CEP70: variants seen among roughly 807,000 people sequenced by gnomAD.
CEP70 encodes the protein centrosomal protein 70, also known as centrosomal protein of 70 kDa.
A neutral mutation model predicts 90.9 loss-of-function variants in CEP70; 70 were observed. The ratio of observed to expected loss-of-function variants is 0.77; its 90% CI spans 0.64 to 0.94. The LOEUF is 0.94. CEP70 is among the 40% of genes least tolerant of loss of function. The pLI is 0.00. For missense variants in CEP70, 648 were observed against 669.0 expected, an observed-to-expected ratio of 0.97 and a Z score of 0.35; for synonymous variants, 220 against 228.3, an observed-to-expected ratio of 0.96 and a Z score of 0.33.
chr3:138,579,925 A>T lies in CEP70; in HGVS notation c.-5-6993T>A, dbSNP rs1214677092. Among the ~76,000 whole-genome samples the T allele has an allele frequency of 2.0e-5, 3 of 152,144 alleles. No individual in the cohort carries two copies. In the South Asian group the frequency reaches 6.2e-4, roughly 32 times the overall value. On this transcript the variant is annotated intron_variant, in intron 2 of 17. Transcript: ENST00000264982. ...ATTAAGAAAGCTCTTGGGGTTCCCAATTCCAGGCTTTGGCTCTTAGCTTCT... is the reference window on the plus strand; with the variant it reads ...ATTAAGAAAGCTCTTGGGGTTCCCATTTCCAGGCTTTGGCTCTTAGCTTCT...
At chr3:138,543,757 T>C (rs910620103) in intron 6 of CEP70, among the ~76,000 whole-genome samples, 2 of 152,024 alleles carry the variant, frequency 1.3e-5, no homozygotes, top group Non-Finnish European at 2.9e-5. Flanking sequence ...TGAACTGAGA[T>C]TGCACCACTG....
At chr3:138,550,815 CAAT>C (rs1183202595) in intron 6 of CEP70, among the ~76,000 whole-genome samples, 1 of 152,174 alleles carries the variant, frequency 6.6e-6, no homozygotes, top group Admixed American at 6.5e-5. Flanking sequence ...CCCAATCCAA[CAAT>C]GACAAAGAAA....
chr3:138,544,560 TAC>T (rs2039041711), intron 6 of CEP70, among the ~76,000 whole-genome samples: 1 of 151,716 alleles, frequency 6.6e-6, no homozygotes, highest in East Asian at 1.9e-4. Context: ...TGTATATATA[TAC>T]ACACATATTA....
At chr3:138,518,006 C>G (rs2036212557) in intron 11 of CEP70, among the ~76,000 whole-genome samples, 1 of 152,188 alleles carries the variant, frequency 6.6e-6, no homozygotes, top group Admixed American at 6.5e-5. Flanking sequence ...TTTCAAACAC[C>G]CTTAGCAAAC....
At position 138,495,035 on chromosome 3, in the gene CEP70, A is replaced by C; in HGVS notation, c.1774T>G (p.Leu592Val). The C allele has an allele frequency of 6.5e-7, 1 of 1,535,698 alleles. No individual in the cohort carries two copies. Among genetic ancestry groups the C allele is most frequent in the Non-Finnish European group, 9.0e-7 (1 of 1,111,578 alleles). Residue 592 changes from leucine (L) to valine (V), a missense_variant, in exon 18 of 18, where the codon TTA becomes GTA. Physicochemically the swap from Leu to Val is conservative, Grantham distance 32. Transcript: ENST00000264982. ...LDAIVPAVKK[L>V]KVLSY ...TGTTTTCAGTATGAAAGTACTTTTAATTTCTTTACTGCAGGTACAATGGCA... is the reference window on the plus strand; with the variant it reads ...TGTTTTCAGTATGAAAGTACTTTTACTTTCTTTACTGCAGGTACAATGGCA...
In CEP70 at chr3:138,553,139, C is replaced by G. The variant is rs143520102; in HGVS notation, c.466-15792G>C. On this transcript the variant is annotated intron_variant, in intron 6 of 17. Coordinates refer to ENST00000264982, the MANE Select transcript of CEP70 (RefSeq NM_024491.4). ...TTTAAATCAGGAAGAATTCGAAACC[C>G]TAGACAGACCAATAACAAGCAGTGA... 1.0e-3 allele frequency among the ~76,000 whole-genome samples: 159 copies of G among 151,976 alleles called. 1 individual carries two copies. The highest frequency in any genetic ancestry group is 3.6e-3 in the African/African-American group (151 of 41,444).
intron 17 of CEP70, chr3:138,496,462 G>A: frequency 1.0e-6 from 1 of 985,382 alleles, no homozygotes. Flanking sequence ...ACAAGATCAA[G>A]GTATTCCCTG....
chr3:138,525,403 T>A (rs554291355), intron 11 of CEP70, 87 bp downstream of exon 11: 27 of 426,376 alleles, frequency 6.3e-5, no homozygotes, highest in Non-Finnish European at 9.4e-5. Context: ...ACCCTTAAAG[T>A]ATAATAAAAT....
chr3:138,593,702 T>C (rs1033379461), intron 1 of CEP70: 2 of 152,196 alleles, frequency 1.3e-5, no homozygotes, highest in Admixed American at 1.3e-4. Context: ...GAGAAAGAGA[T>C]ACTCACCTGT....
At chr3:138,516,484 C>T (rs1431274047) in intron 11 of CEP70, among the ~76,000 whole-genome samples, 13 of 152,060 alleles carry the variant, frequency 8.5e-5, no homozygotes. Flanking sequence ...CTCCTGGGCT[C>T]AAGCAATCTT....
At chr3:138,534,905 T>C (rs1383166024) in intron 7 of CEP70, among the ~76,000 whole-genome samples, 2 of 152,226 alleles carry the variant, frequency 1.3e-5, no homozygotes, top group Non-Finnish European at 2.9e-5. Context: ...ACAACTCCTA[T>C]CCATCTTTGC....
At chr3:138,497,059 A>G (rs2034001800) in intron 17 of CEP70, 5 of 1,054,752 alleles carry the variant, frequency 4.7e-6, no homozygotes, top group African/African-American at 3.4e-5. Context: ...ATACAGTTTC[A>G]TACCTCATCT....
intron 6 of CEP70, among the ~76,000 whole-genome samples, chr3:138,562,475 C>T (rs2040484765): frequency 6.6e-6 from 1 of 152,114 alleles, no homozygotes; most frequent in Non-Finnish European, 1.5e-5. Context: ...TTGGGGTTAC[C>T]CACAAAGGGA....
chr3:138,563,961 A>T (rs1056582174), intron 6 of CEP70, among the ~76,000 whole-genome samples: 2 of 152,294 alleles, frequency 1.3e-5, no homozygotes, highest in African/African-American at 2.4e-5. Flanking sequence ...CCAGACTAAT[A>T]AAGAAGAAAA....
intron 8 of CEP70, chr3:138,530,502 A>AT (rs1381146472): frequency 2.7e-6 from 2 of 730,150 alleles, no homozygotes; most frequent in Non-Finnish European, 3.3e-6. Flanking sequence ...TAGTCTGATG[A>AT]TAAAAACAAC....
At chr3:138,516,081 A>C (rs2035988992) in intron 11 of CEP70, among the ~76,000 whole-genome samples, 1 of 152,084 alleles carries the variant, frequency 6.6e-6, no homozygotes. Context: ...CTCTTCTCCA[A>C]ACTCATATAA....
chr3:138,511,661 T>C (rs2035551287), intron 11 of CEP70, among the ~76,000 whole-genome samples: 1 of 152,212 alleles, frequency 6.6e-6, no homozygotes, highest in East Asian at 1.9e-4. Flanking sequence ...AATAAATAGA[T>C]ACCCTCACTT....
Position 138,587,980 on chromosome 3 carries a change from T to C in CEP70, c.-6+3874A>G, listed in dbSNP as rs532809721. Among the ~76,000 whole-genome samples the C allele has an allele frequency of 2.0e-5, 3 of 151,802 alleles. No homozygotes were observed. The East Asian group carries it at 5.8e-4, about 29-fold the overall frequency. Reference sequence around the variant, plus strand: ...ATTTTCACCAAAGATACGAAGGTAATTTAGCAGGAAAAACGATAGTTTTTT... The same window carrying C: ...ATTTTCACCAAAGATACGAAGGTAACTTAGCAGGAAAAACGATAGTTTTTT... On this transcript the variant is annotated intron_variant, in intron 2 of 17. Coordinates refer to ENST00000264982, the MANE Select transcript of CEP70 (RefSeq NM_024491.4).
At chr3:138,532,607 G>A (rs754688584) in intron 7 of CEP70, 37 bp from the exon 8 acceptor site, 3 of 496,904 alleles carry the variant, frequency 6.0e-6, no homozygotes, top group East Asian at 5.8e-5. Flanking sequence ...TCAAAATGCG[G>A]TATGGTATTA....
Sources: gnomAD v4.1 joint callset for allele counts (sites outside exome capture counted in the v4.1 genomes callset) on GRCh38, gnomAD v4.1.1 for gene constraint, MANE v1.5 for transcripts, NCBI Gene and HGNC (gene_info 2026-07-23, HGNC 2026-07-21) for gene names.